ZNF597: variants seen among roughly 807,000 people sequenced by gnomAD.
The protein encoded by ZNF597 is zinc finger protein 597.
A neutral mutation model predicts 7.3 loss-of-function variants in ZNF597; 5 were observed. The ratio of observed to expected loss-of-function variants is 0.68; its 90% CI spans 0.36 to 1.44. The LOEUF is 1.44. ZNF597 is among the 40% of genes most tolerant of loss of function. ZNF597 has a pLI of 0.04. For synonymous variants in ZNF597, 209 were observed against 185.4 expected (o/e 1.13, Z -1.04); for missense variants, 585 against 517.9 (o/e 1.13, Z -1.26).
At chr16:3,442,292 A>G (rs1486722884) in intron 2 of ZNF597, among the ~76,000 whole-genome samples, 1 of 151,564 alleles carries the variant, frequency 6.6e-6, no homozygotes, top group Non-Finnish European at 1.5e-5. Flanking sequence ...CCAGAAAGTC[A>G]CTTTTAATCC....
rs761175167 is a variant in ZNF597, at chr16:3,437,332, T to C, written c.367A>G (p.Ile123Val). ...KRRVISLLVT[I>V]ENHTPLVELS... ...TCTACTAATGGGGTGTGGTTTTCAA[T>C]GGTAACTAAAAGGCTGATGACCCTT... Residue 123 changes from isoleucine (I) to valine (V), a missense_variant, in exon 4 of 4, where the codon ATT becomes GTT. By Grantham distance (29) the Ile-to-Val change is conservative. Coordinates refer to ENST00000301744, the MANE Select transcript of ZNF597 (RefSeq NM_152457.3). 1.9e-6 allele frequency: 3 copies of C among 1,614,032 alleles called. No homozygotes were observed. The highest frequency in any genetic ancestry group is 2.7e-5 in the African/African-American group (2 of 74,926).
rs1488303701 is a variant in ZNF597, at chr16:3,434,992, C to T, written c.*1432G>A. ...TGGTTCTTTAACATTAATAACCATA[C>T]CATTTAATAATATTTTGCTCCAGTA... On this transcript the variant is annotated 3_prime_UTR_variant, in exon 4 of 4. Transcript: ENST00000301744. 1 of 152,108 alleles carries T rather than the reference C, an allele frequency of 6.6e-6. No individual in the cohort carries two copies. The highest frequency in any genetic ancestry group is 1.5e-5 in the Non-Finnish European group (1 of 68,022). 9.4% of individuals were successfully genotyped at this position (152,108 alleles called of 1,614,324 possible).
At chr16:3,440,664 CT>C in intron 3 of ZNF597, 142 bp downstream of exon 3, 2 of 1,077,828 alleles carry the variant, frequency 1.9e-6, no homozygotes, top group Non-Finnish European at 1.3e-6. Context: ...TATTTTAAAA[CT>C]TTTTCTCTCA....
intron 3 of ZNF597, among the ~76,000 whole-genome samples, chr16:3,438,492 G>A (rs1206202454): frequency 6.6e-6 from 1 of 151,744 alleles, no homozygotes; most frequent in East Asian, 1.9e-4. Context: ...GAACCCAGGA[G>A]GCGGAGCTTG....
In ZNF597 at chr16:3,436,773, A is replaced by G; in HGVS notation, c.926T>C (p.Leu309Ser). ...TKCMKSFRQS[L>S]YPALSEKSHD... ...GCTCTTCTCGGAAAGGGCAGGATATAAGGACTGCCTGAAGCTCTTCATGCA... is the reference window on the plus strand; with the variant it reads ...GCTCTTCTCGGAAAGGGCAGGATATGAGGACTGCCTGAAGCTCTTCATGCA... The change falls in exon 4 of 4, where the codon TTA becomes TCA. Residue 309 changes from leucine to serine, a missense_variant. Transcript: ENST00000301744. 6.2e-7 allele frequency: 1 copy of G among 1,613,634 alleles called. No individual in the cohort carries two copies. Among genetic ancestry groups the G allele is most frequent in the East Asian group, 2.2e-5 (1 of 44,886 alleles).
rs1398309156 is a variant in ZNF597, at chr16:3,433,151, T to G, written c.*3273A>C. On this transcript the variant is annotated 3_prime_UTR_variant, in exon 4 of 4. Coordinates refer to ENST00000301744, the MANE Select transcript of ZNF597 (RefSeq NM_152457.3). ...TTATTGGGTTAGTCATTTTCTATGT[T>G]AAATGAGGAGGTGTCAATAGACTAC... The G allele has an allele frequency of 6.6e-6, 1 of 152,240 alleles. No homozygotes were observed. Among genetic ancestry groups the G allele is most frequent in the Non-Finnish European group, 1.5e-5 (1 of 68,050 alleles). The allele number at this position is 152,240 out of a possible 1,614,324, so 9.4% of individuals were successfully genotyped here.
Position 3,434,431 on chromosome 16 carries a change from C to G in ZNF597, c.*1993G>C, listed in dbSNP as rs2034281484. The stretch of plus-strand genomic sequence containing the variant: ...TATCTTTCTACACATTTCAAAGCAC[C>G]TCAGAGAAACCTGGAAGCTGGTGTC... On this transcript the variant is annotated 3_prime_UTR_variant, in exon 4 of 4. Coordinates refer to ENST00000301744, the MANE Select transcript of ZNF597 (RefSeq NM_152457.3). 1 of 152,196 alleles carries G rather than the reference C, an allele frequency of 6.6e-6. No homozygotes were observed. Among genetic ancestry groups the G allele is most frequent in the Non-Finnish European group, 1.5e-5 (1 of 68,034 alleles). 9.4% of individuals were successfully genotyped at this position (152,196 alleles called of 1,614,324 possible). A position where few individuals can be genotyped will look rare whatever the true frequency, so the allele number is the denominator to read the frequency against.
rs762721949 is a variant in ZNF597, at chr16:3,437,540, T to TG, written c.161-3dup. The TG allele has an allele frequency of 1.0e-5, 16 of 1,581,602 alleles. No individual in the cohort carries two copies. The highest frequency in any genetic ancestry group is 1.4e-5 in the Non-Finnish European group (16 of 1,168,034). On this transcript the variant is annotated splice_region_variant and splice_polypyrimidine_tract_variant and intron_variant, in intron 3 of 3. Coordinates refer to ENST00000301744, the MANE Select transcript of ZNF597 (RefSeq NM_152457.3). ...TAATCTCAGGCTTGCCTTCCTCTCCTGTTGATAAAAACAAAAGAAAGCAAA... is the reference window on the plus strand; with the variant it reads ...TAATCTCAGGCTTGCCTTCCTCTCCTGGTTGATAAAAACAAAAGAAAGCAAA...
intron 2 of ZNF597, among the ~76,000 whole-genome samples, chr16:3,441,629 T>G (rs2034372324): frequency 6.6e-6 from 1 of 152,094 alleles, no homozygotes; most frequent in South Asian, 2.1e-4. Flanking sequence ...GAGGTTGCAG[T>G]AAGCCGAGAT....
Position 3,441,283 on chromosome 16 carries a change from C to A in ZNF597, c.34-350G>T, listed in dbSNP as rs560678564. On this transcript the variant is annotated intron_variant, in intron 2 of 3. Transcript: ENST00000301744. Reference sequence around the variant, plus strand: ...AGGTTTGGGGCCGGGTGTGGTGGCTCATGCCTGTAATCCCAACACTTTGGG... The same window carrying A: ...AGGTTTGGGGCCGGGTGTGGTGGCTAATGCCTGTAATCCCAACACTTTGGG... Among the ~76,000 whole-genome samples the A allele has an allele frequency of 1.1e-4, 17 of 152,282 alleles. No individual in the cohort carries two copies. In the South Asian group the frequency reaches 3.5e-3, roughly 32 times the overall value.
rs372224737 is a variant in ZNF597, at chr16:3,443,169, T to C, written c.-16A>G. ...TGGACGCCATTTGGCGGGTGGGGAATGCCTTCTTCAAGACGCCACAGGGAC... is the reference window on the plus strand; with the variant it reads ...TGGACGCCATTTGGCGGGTGGGGAACGCCTTCTTCAAGACGCCACAGGGAC... On this transcript the variant is annotated 5_prime_UTR_variant, in exon 2 of 4. Coordinates refer to ENST00000301744, the MANE Select transcript of ZNF597 (RefSeq NM_152457.3). 2 of 1,611,574 alleles carry C rather than the reference T, an allele frequency of 1.2e-6. No homozygotes were observed. Among genetic ancestry groups the C allele is most frequent in the African/African-American group, 1.3e-5 (1 of 74,810 alleles).
rs2034301752 is a variant in ZNF597 at position 3,436,504 on chromosome 16, A to C, written c.1195T>G (p.Cys399Gly). The C allele has an allele frequency of 6.2e-7, 1 of 1,614,092 alleles. No homozygotes were observed. The highest frequency in any genetic ancestry group is 1.3e-5 in the African/African-American group (1 of 74,936). The change falls in exon 4 of 4, where the codon TGT becomes GGT. Residue 399 changes from cysteine (C) to glycine (G), a missense_variant. Cys to Gly is a radical substitution (Grantham distance 159, BLOSUM62 -3). Transcript: ENST00000301744. ...KSHMLAEPFK[C>G]TVCGKTFKSN... is the part of the protein sequence containing the mutation. ...TTGAAAGTTTTCCCACACACGGTAC[A>C]TTTAAAAGGTTCCGCTAGCATGTGG...
chr16:3,438,592 G>T (rs1352160986), intron 3 of ZNF597, among the ~76,000 whole-genome samples: 1 of 151,130 alleles, frequency 6.6e-6, no homozygotes, highest in Admixed American at 6.6e-5. Context: ...AATTAAAAAA[G>T]AAAAAAGAAA....
chr16:3,436,237 G>C lies in ZNF597; in HGVS notation c.*187C>G, dbSNP rs190841891. On this transcript the variant is annotated 3_prime_UTR_variant, in exon 4 of 4. Transcript: ENST00000301744. ...GGTTCATTCACTAGTTTAGTGACAC[G>C]GATTTTGCATCCCTACTTATAAAAT... 94 of 623,674 alleles carry C rather than the reference G, an allele frequency of 1.5e-4. 1 individual carries two copies. In the East Asian group the frequency reaches 2.1e-3, roughly 14 times the overall value. 38.6% of individuals were successfully genotyped at this position (623,674 alleles called of 1,614,324 possible).
At chr16:3,437,826 C>T (rs1208242483) in intron 3 of ZNF597, among the ~76,000 whole-genome samples, 2 of 152,186 alleles carry the variant, frequency 1.3e-5, no homozygotes, top group African/African-American at 2.4e-5. Context: ...TAGAGGTGAA[C>T]TTTTCCATCT....
At chr16:3,442,990 G>A in intron 2 of ZNF597, 131 bp downstream of exon 2, 1 of 1,064,606 alleles carries the variant, frequency 9.4e-7, no homozygotes, top group South Asian at 1.3e-5. Context: ...AAGAACACTT[G>A]GTCAAAGGGC....
rs774505017 is a variant in ZNF597, at chr16:3,436,127, T to G, written c.*297A>C. The G allele has an allele frequency of 2.6e-5, 8 of 310,226 alleles. No individual in the cohort carries two copies. Among genetic ancestry groups the G allele is most frequent in the Non-Finnish European group, 3.5e-5 (6 of 169,344 alleles). 19.2% of individuals were successfully genotyped at this position (310,226 alleles called of 1,614,324 possible). A position where few individuals can be genotyped will look rare whatever the true frequency, so the allele number is the denominator to read the frequency against. On this transcript the variant is annotated 3_prime_UTR_variant, in exon 4 of 4. Transcript: ENST00000301744. Reference sequence around the variant, plus strand: ...AATTAAAATAACTTTAGCAAGAGCCTTCATTTTAATGAAAATTGAATTTAA... The same window carrying G: ...AATTAAAATAACTTTAGCAAGAGCCGTCATTTTAATGAAAATTGAATTTAA...
chr16:3,436,928 C>T lies in ZNF597; in HGVS notation c.771G>A (p.Gln257=). 3 of 1,614,188 alleles carry T rather than the reference C, an allele frequency of 1.9e-6. No homozygotes were observed. Among genetic ancestry groups the T allele is most frequent in the Non-Finnish European group, 2.5e-6 (3 of 1,180,024 alleles). The part of the protein sequence containing the change: ...RGFMWLPGLA[Q]HQKSHSAENT... ...TTTCAGCACTGTGGCTTTTCTGATG[C>T]TGTGCCAATCCTGGGAGCCACATAA... Residue 257 remains glutamine (Q), a synonymous_variant, in exon 4 of 4, where the codon CAG becomes CAA. Coordinates refer to ENST00000301744, the MANE Select transcript of ZNF597 (RefSeq NM_152457.3).
rs1206045702 is a variant in ZNF597 at position 3,435,664 on chromosome 16, C to T, written c.*760G>A. The T allele has an allele frequency of 1.3e-5, 2 of 152,236 alleles. No homozygotes were observed. Among genetic ancestry groups the T allele is most frequent in the Middle Eastern group, 3.4e-3 (1 of 294 alleles). The allele number at this position is 152,236 out of a possible 1,614,324, so 9.4% of individuals were successfully genotyped here. On this transcript the variant is annotated 3_prime_UTR_variant, in exon 4 of 4. Coordinates refer to ENST00000301744, the MANE Select transcript of ZNF597 (RefSeq NM_152457.3). Reference sequence around the variant, plus strand: ...ACAATTACAATTATTCATAGTAAGACAGGTAATGTGCTTCAGTAGCAATTT... The same window carrying T: ...ACAATTACAATTATTCATAGTAAGATAGGTAATGTGCTTCAGTAGCAATTT...
Sources: gnomAD v4.1 joint callset for allele counts (sites outside exome capture counted in the v4.1 genomes callset) on GRCh38, gnomAD v4.1.1 for gene constraint, MANE v1.5 for transcripts, NCBI Gene and HGNC (gene_info 2026-07-23, HGNC 2026-07-21) for gene names.